Variants in PDE4B observed in about 807,000 individuals in gnomAD.
PDE4B encodes phosphodiesterase 4B.
Under a neutral mutation model 82.2 loss-of-function variants are expected in PDE4B, and 20 were observed. The observed-to-expected ratio is 0.24, with a 90% confidence interval of 0.17 to 0.35. The LOEUF (loss-of-function observed/expected upper bound fraction) is 0.35, where lower values mean the gene tolerates loss of function less well. PDE4B is among the 10% of genes least tolerant of loss of function. PDE4B has a pLI of 1.00. For synonymous variants in PDE4B, 320 were observed against 318.9 expected (o/e 1.00, Z -0.04); for missense variants, 655 against 907.2 (o/e 0.72, Z 3.57).
intron 13 of PDE4B, among the ~76,000 whole-genome samples, chr1:66,367,147 G>T (rs962355818): frequency 1.3e-5 from 2 of 152,154 alleles, no homozygotes; most frequent in Non-Finnish European, 2.9e-5. Context: ...TTCCCAAAAA[G>T]TAGTAATGTT....
intron 3 of PDE4B, among the ~76,000 whole-genome samples, chr1:66,197,866 G>A (rs533596925): frequency 6.6e-6 from 1 of 152,260 alleles, no homozygotes; most frequent in South Asian, 2.1e-4. Flanking sequence ...CCCTACTGCT[G>A]TATATTTCTG....
At chr1:66,116,324 T>G (rs774860828) in intron 3 of PDE4B, among the ~76,000 whole-genome samples, 19 of 152,190 alleles carry the variant, frequency 1.2e-4, no homozygotes, top group Non-Finnish European at 2.6e-4. Flanking sequence ...GGTTTGGACC[T>G]CTGTGTTCAA....
chr1:66,021,505 G>A (rs1653109211), intron 3 of PDE4B, among the ~76,000 whole-genome samples: 1 of 152,158 alleles, frequency 6.6e-6, no homozygotes, highest in Admixed American at 6.5e-5. Flanking sequence ...AAGATATAAG[G>A]AAGGGATCCA....
chr1:66,268,333 G>T (rs1173603195), intron 7 of PDE4B, among the ~76,000 whole-genome samples: 1 of 152,154 alleles, frequency 6.6e-6, no homozygotes, highest in Non-Finnish European at 1.5e-5. Flanking sequence ...ATTATTAACT[G>T]AAATATTAAA....
At chr1:65,982,993 T>C (rs1650765735) in intron 3 of PDE4B, among the ~76,000 whole-genome samples, 1 of 152,040 alleles carries the variant, frequency 6.6e-6, no homozygotes, top group Non-Finnish European at 1.5e-5. Context: ...ATGCTCAGGT[T>C]CTAGAAAACT....
intron 3 of PDE4B, among the ~76,000 whole-genome samples, chr1:66,093,511 C>T (rs1645063278): frequency 6.6e-6 from 1 of 151,864 alleles, no homozygotes; most frequent in South Asian, 2.1e-4. Flanking sequence ...TTCCACTCTT[C>T]TGTGCAGTAA....
chr1:66,174,880 G>A (rs1447752862), intron 3 of PDE4B, among the ~76,000 whole-genome samples: 2 of 152,134 alleles, frequency 1.3e-5, no homozygotes, highest in South Asian at 2.1e-4. Flanking sequence ...AGGCTAGGAG[G>A]CCTCAGGAAA....
At chr1:65,941,336 A>G (rs1460400540) in intron 3 of PDE4B, among the ~76,000 whole-genome samples, 1 of 152,064 alleles carries the variant, frequency 6.6e-6, no homozygotes, top group Non-Finnish European at 1.5e-5. Context: ...ACAAATTCAC[A>G]TCTAAAGAAA....
At chr1:65,949,329 G>A (rs1648875675) in intron 3 of PDE4B, among the ~76,000 whole-genome samples, 2 of 152,090 alleles carry the variant, frequency 1.3e-5, no homozygotes, top group Non-Finnish European at 1.5e-5. Flanking sequence ...AGCCTTTTAA[G>A]CCCTTCCTCC....
intron 3 of PDE4B, among the ~76,000 whole-genome samples, chr1:66,073,453 C>T (rs1457035038): frequency 6.6e-6 from 1 of 151,992 alleles, no homozygotes; most frequent in Non-Finnish European, 1.5e-5. Context: ...TATGATGACA[C>T]GTATGACTAT....
intron 1 of PDE4B, among the ~76,000 whole-genome samples, chr1:65,821,572 T>A (rs1425729715): frequency 6.6e-6 from 1 of 152,210 alleles, no homozygotes; most frequent in Non-Finnish European, 1.5e-5. Flanking sequence ...ATCCAGTTAC[T>A]TGTGTCTTAA....
intron 1 of PDE4B, among the ~76,000 whole-genome samples, chr1:65,827,280 A>G (rs1646030269): frequency 6.6e-6 from 1 of 152,064 alleles, no homozygotes; most frequent in African/African-American, 2.4e-5. Flanking sequence ...TGCAAAAAAA[A>G]GTCATTTGAA....
intron 16 of PDE4B, 147 bp downstream of exon 16, chr1:66,369,116 C>T: frequency 3.5e-6 from 2 of 578,860 alleles, no homozygotes; most frequent in South Asian, 3.1e-5. Flanking sequence ...ATAGTCAGGA[C>T]TCATGCGACT....
At chr1:66,041,883 C>T (rs1019364461) in intron 3 of PDE4B, among the ~76,000 whole-genome samples, 2 of 151,032 alleles carry the variant, frequency 1.3e-5, no homozygotes, top group African/African-American at 4.9e-5. Flanking sequence ...TAATGTCTGG[C>T]TTAGTAGGTC....
chr1:66,079,510 C>T (rs1311931606), intron 3 of PDE4B, among the ~76,000 whole-genome samples: 2 of 152,074 alleles, frequency 1.3e-5, no homozygotes, highest in Non-Finnish European at 2.9e-5. Context: ...TTTTGTAGTA[C>T]ATCTGTAATG....
chr1:66,051,095 GT>G (rs778439144), intron 3 of PDE4B, among the ~76,000 whole-genome samples: 1 of 152,000 alleles, frequency 6.6e-6, no homozygotes, highest in Non-Finnish European at 1.5e-5. Flanking sequence ...GTATAAGTAT[GT>G]TTTTGCCTTT....
intron 3 of PDE4B, among the ~76,000 whole-genome samples, chr1:66,121,212 T>A (rs776108512): frequency 8.0e-5 from 12 of 150,328 alleles, no homozygotes; most frequent in Non-Finnish European, 1.8e-4. Context: ...AGGCATAGCA[T>A]GAGGATAATT....
intron 7 of PDE4B, among the ~76,000 whole-genome samples, chr1:66,296,927 C>A (rs557875061): frequency 9.2e-4 from 140 of 152,312 alleles, no homozygotes; most frequent in African/African-American, 3.2e-3. Flanking sequence ...TTCAGTGACA[C>A]AAGATGCATG....
At chr1:65,907,431 T>A (rs1002714744) in intron 1 of PDE4B, among the ~76,000 whole-genome samples, 4 of 152,112 alleles carry the variant, frequency 2.6e-5, no homozygotes, top group African/African-American at 9.7e-5. Context: ...ATCCCTTTAT[T>A]TGACAATTGA....
Sources: gnomAD v4.1 joint callset for allele counts (sites outside exome capture counted in the v4.1 genomes callset) on GRCh38, gnomAD v4.1.1 for gene constraint, MANE v1.5 for transcripts, NCBI Gene and HGNC (gene_info 2026-07-23, HGNC 2026-07-21) for gene names.